The following TMEM232 variants were observed in gnomAD, a reference collection of about 807,000 sequenced individuals.
The protein encoded by TMEM232 is transmembrane protein 232.
Under a neutral mutation model 78.8 loss-of-function variants are expected in TMEM232, and 80 were observed. The ratio of observed to expected loss-of-function variants is 1.01; its 90% confidence interval spans 0.85 to 1.22. TMEM232 has a LOEUF of 1.22. TMEM232 is among the 50% of genes most tolerant of loss of function. The probability of loss-of-function intolerance (pLI) is 0.00; values close to 1 mark genes in which losing one functional copy is unlikely to be tolerated. For synonymous variants in TMEM232, 297 were observed against 254.3 expected (o/e 1.17, Z -1.60); for missense variants, 881 against 742.2 (o/e 1.19, Z -2.17).
chr5:110,652,493 A>G (rs996601235), intron 2 of TMEM232, among the ~76,000 whole-genome samples: 4 of 152,130 alleles, frequency 2.6e-5, no homozygotes, highest in South Asian at 2.1e-4. Flanking sequence ...ACTACATTGT[A>G]TAATAATTTT....
At chr5:110,610,503 C>A (rs1313349329) in intron 8 of TMEM232, 1 of 455,184 alleles carries the variant, frequency 2.2e-6, no homozygotes, top group Non-Finnish European at 4.4e-6. Flanking sequence ...AATACAAGAC[C>A]TTGAAAAAAT....
intron 1 of TMEM232, among the ~76,000 whole-genome samples, chr5:110,723,156 G>T (rs1797816552): frequency 6.6e-6 from 1 of 152,058 alleles, no homozygotes; most frequent in Non-Finnish European, 1.5e-5. Context: ...TTCTGTTTTG[G>T]AAGGCTATTA....
intron 1 of TMEM232, among the ~76,000 whole-genome samples, chr5:110,682,473 C>T (rs1296596723): frequency 2.6e-5 from 4 of 152,026 alleles, no homozygotes; most frequent in Non-Finnish European, 4.4e-5. Flanking sequence ...TATAAAGCAT[C>T]CCACTGTGGA....
chr5:110,467,265 T>C (rs1483990220), intron 12 of TMEM232, among the ~76,000 whole-genome samples: 6 of 152,204 alleles, frequency 3.9e-5, no homozygotes, highest in Non-Finnish European at 4.4e-5. Flanking sequence ...AGGATACTTT[T>C]CTCCATTTAA....
chr5:110,685,309 G>A (rs950502948), intron 1 of TMEM232, among the ~76,000 whole-genome samples: 3 of 151,976 alleles, frequency 2.0e-5, no homozygotes, highest in Admixed American at 1.3e-4. Flanking sequence ...AAAAATAACA[G>A]CAAAGTAGAC....
At chr5:110,416,853 A>G (rs67219092), downstream of TMEM232, among the ~76,000 whole-genome samples, 8,809 of 152,210 alleles carry the variant, frequency 0.058, 339 homozygotes, top group South Asian at 0.17. Flanking sequence ...TATTTTAGAT[A>G]TTTTATTCCT....
chr5:110,454,642 A>G (rs1364001684), intron 12 of TMEM232, among the ~76,000 whole-genome samples: 1 of 152,170 alleles, frequency 6.6e-6, no homozygotes, highest in African/African-American at 2.4e-5. Context: ...TTAAAAGAAA[A>G]TGAAAGCACT....
chr5:110,427,419 G>A (rs1757359945), intron 12 of TMEM232, among the ~76,000 whole-genome samples: 1 of 151,886 alleles, frequency 6.6e-6, no homozygotes, highest in African/African-American at 2.4e-5. Context: ...ATTATCAATT[G>A]TAAGAAAAAG....
intron 12 of TMEM232, among the ~76,000 whole-genome samples, chr5:110,458,761 CCTCT>C (rs1160413569): frequency 1.3e-5 from 2 of 150,734 alleles, no homozygotes; most frequent in East Asian, 3.9e-4. Context: ...TTTTATATTC[CCTCT>C]ATGTGTTTGG....
upstream of TMEM232, chr5:110,738,663 G>A (rs1799475318): frequency 4.7e-6 from 1 of 211,242 alleles, no homozygotes; most frequent in Non-Finnish European, 9.6e-6. Context: ...AGGCCCGTGA[G>A]AAAACACTGA....
intron 3 of TMEM232, among the ~76,000 whole-genome samples, chr5:110,397,391 T>C (rs377412269): frequency 6.6e-6 from 1 of 152,188 alleles, no homozygotes; most frequent in Non-Finnish European, 1.5e-5. Context: ...ATAAGAAATA[T>C]CATCTCCCTA....
At chr5:110,574,089 C>T (rs910213077) in intron 10 of TMEM232, among the ~76,000 whole-genome samples, 3 of 151,992 alleles carry the variant, frequency 2.0e-5, no homozygotes, top group African/African-American at 7.2e-5. Context: ...GTCAACAACT[C>T]ATTCCTCTCT....
chr5:110,641,037 A>G, intron 3 of TMEM232, 41 bp from the exon 4 acceptor site: 2 of 1,186,560 alleles, frequency 1.7e-6, no homozygotes, highest in Non-Finnish European at 2.3e-6. Context: ...CAAAATGTAC[A>G]TATTTTTATA....
chr5:110,425,666 C>G (rs74856775), intron 12 of TMEM232, among the ~76,000 whole-genome samples: 2,963 of 152,080 alleles, frequency 0.019, 89 homozygotes, highest in African/African-American at 0.068. Context: ...TTCTGTTTGT[C>G]TATTCTGCAC....
At chr5:110,513,254 G>C (rs1218677085) in intron 12 of TMEM232, among the ~76,000 whole-genome samples, 1 of 152,074 alleles carries the variant, frequency 6.6e-6, no homozygotes, top group African/African-American at 2.4e-5. Context: ...GCTTCCAATA[G>C]CACTTCAATG....
chr5:110,715,950 CTCTT>C lies in TMEM232; in HGVS notation c.-13+10673_-13+10676del, dbSNP rs1460603971. On this transcript the variant is annotated intron_variant, in intron 1 of 13. Coordinates refer to ENST00000455884, the MANE Select transcript of TMEM232 (RefSeq NM_001039763.4). ...AGACATTCCTTTCTACTGATAATAA[CTCTT>C]TCAACCAATTGCCAATCAGAAAATT... Among the ~76,000 whole-genome samples, 6 of 152,258 alleles carry C rather than the reference CTCTT, an allele frequency of 3.9e-5. No homozygotes were observed. In the East Asian group the frequency reaches 9.6e-4, roughly 24 times the overall value.
At position 110,512,791 on chromosome 5, in the gene TMEM232, T is replaced by C. The variant is rs375278953; in HGVS notation, c.1703+15797A>G. 2.0e-5 allele frequency among the ~76,000 whole-genome samples: 3 copies of C among 151,942 alleles called. No homozygotes were observed. The South Asian group carries it at 6.2e-4, about 32-fold the overall frequency. On this transcript the variant is annotated intron_variant, in intron 12 of 13. Coordinates refer to ENST00000455884, the MANE Select transcript of TMEM232 (RefSeq NM_001039763.4). ...AAACAAAAACATGTAGATCTTGTTT[T>C]TGTTTTCTGTTGTATTATTTTTATC...
rs77518504 is a variant in TMEM232, at chr5:110,556,668, C to T, written c.1455+11779G>A. On this transcript the variant is annotated intron_variant, in intron 11 of 13. Coordinates refer to ENST00000455884, the MANE Select transcript of TMEM232 (RefSeq NM_001039763.4). ...TCCCACAGTGCTGGGATTACAAGCC[C>T]GACAGAATCTTGTTTCTTTTAGGAT... Among the ~76,000 whole-genome samples the T allele has an allele frequency of 5.8e-3, 876 of 152,136 alleles. 9 individuals carry two copies. The highest frequency in any genetic ancestry group is 0.038 in the East Asian group (194 of 5,160).
At chr5:110,560,796 C>G (rs1775652731) in intron 11 of TMEM232, among the ~76,000 whole-genome samples, 1 of 152,162 alleles carries the variant, frequency 6.6e-6, no homozygotes, top group Non-Finnish European at 1.5e-5. Flanking sequence ...GAGCCCAGAT[C>G]TACAGTCAGG....
Sources: allele counts gnomAD v4.1 joint callset (sites outside exome capture counted in the v4.1 genomes callset), GRCh38; gene constraint gnomAD v4.1.1; transcripts MANE v1.5; gene names NCBI Gene and HGNC (gene_info 2026-07-23, HGNC 2026-07-21).